Variants in MYO7B observed in about 807,000 individuals in gnomAD.
MYO7B encodes unconventional myosin-VIIb.
Under a neutral mutation model 259.7 loss-of-function variants are expected in MYO7B, and 212 were observed. The ratio of observed to expected loss-of-function variants is 0.82; its 90% confidence interval spans 0.73 to 0.91. The LOEUF is 0.91. Among genes scored for constraint, MYO7B ranks in the 40% least tolerant of loss-of-function variants. The pLI, the probability that MYO7B is intolerant of heterozygous loss-of-function variation, is 0.00. For missense variants in MYO7B, 2,732 were observed against 2,813.5 expected (o/e 0.97, Z 0.66); for synonymous variants, 1,197 against 1,166.4 (o/e 1.03, Z -0.54).
At chr2:127,589,452 G>A (rs1679456809) in intron 15 of MYO7B, among the ~76,000 whole-genome samples, 1 of 151,208 alleles carries the variant, frequency 6.6e-6, no homozygotes. Flanking sequence ...GGGGTCCAGA[G>A]TTTAGATAGG....
In MYO7B at chr2:127,592,780, G is replaced by T. The variant is rs1679609782; in HGVS notation, c.1993-14G>T. The T allele has an allele frequency of 5.0e-6, 8 of 1,604,348 alleles. No homozygotes were observed. The highest frequency in any genetic ancestry group is 6.0e-6 in the Non-Finnish European group (7 of 1,176,220). ...GGGGCTTGCGCTGGGTCAGCGCCCG[G>T]TGTCCGCCCACAGCTGTTCGACCGG... On this transcript the variant is annotated splice_polypyrimidine_tract_variant and intron_variant, in intron 16 of 47. Transcript: ENST00000409816.
chr2:127,596,808 C>T (rs761320691), intron 19 of MYO7B, among the ~76,000 whole-genome samples: 1 of 152,246 alleles, frequency 6.6e-6, no homozygotes, highest in Non-Finnish European at 1.5e-5. Context: ...GAAGGGGCAG[C>T]CCCGCTCTCA....
chr2:127,544,111 C>T (rs1693121917), intron 1 of MYO7B, among the ~76,000 whole-genome samples: 1 of 151,596 alleles, frequency 6.6e-6, no homozygotes, highest in African/African-American at 2.4e-5. Flanking sequence ...GAGTCTTGCT[C>T]TGTCACCCAG....
At chr2:127,600,155 T>G (rs970581548) in intron 19 of MYO7B, among the ~76,000 whole-genome samples, 2 of 152,236 alleles carry the variant, frequency 1.3e-5, no homozygotes, top group African/African-American at 2.4e-5. Flanking sequence ...AGTTTTTAAT[T>G]ATAAATTCAA....
Position 127,633,297 on chromosome 2 carries a change from G to A in MYO7B, c.5445G>A (p.Val1815=). 1 of 1,612,640 alleles carries A rather than the reference G, an allele frequency of 6.2e-7. No homozygotes were observed. Among genetic ancestry groups the A allele is most frequent in the Non-Finnish European group, 8.5e-7 (1 of 1,179,760 alleles). ...AGCAGCCCCCGCACCAGGTGGAGGT[G>A]GAGGCCGCAGAGCAGAACGTCTCCC... ...PRKQPPHQVE[V]EAAEQNVSRI... is the part of the protein sequence containing the mutation. Residue 1815 remains valine, a synonymous_variant, in exon 40 of 48, where the codon GTG becomes GTA. Coordinates refer to ENST00000409816, the MANE Select transcript of MYO7B (RefSeq NM_001393586.1).
intron 19 of MYO7B, among the ~76,000 whole-genome samples, chr2:127,596,958 C>T (rs1679795502): frequency 6.6e-6 from 1 of 152,232 alleles, no homozygotes; most frequent in Non-Finnish European, 1.5e-5. Flanking sequence ...AGTTGTAATC[C>T]AGGATCAGTG....
chr2:127,562,166 T>C (rs992720564), intron 2 of MYO7B, among the ~76,000 whole-genome samples: 2 of 152,178 alleles, frequency 1.3e-5, no homozygotes, highest in Non-Finnish European at 2.9e-5. Context: ...TCTGCAAATA[T>C]GGTCATGTCA....
chr2:127,587,173 C>T (rs993840260), intron 14 of MYO7B, among the ~76,000 whole-genome samples: 1 of 152,156 alleles, frequency 6.6e-6, no homozygotes, highest in Non-Finnish European at 1.5e-5. Context: ...CCTTAGAGAC[C>T]AAGCAGTGCA....
chr2:127,593,608 A>C lies in MYO7B; in HGVS notation c.2208A>C (p.Lys736Asn), dbSNP rs115592021. 8.2e-4 allele frequency: 1,316 copies of C among 1,613,704 alleles called. 12 individuals are homozygous for C. The African/African-American group carries it at 0.016, about 20-fold the overall frequency. Residue 736 changes from lysine to asparagine, a missense_variant, in exon 18 of 48, where the codon AAA becomes AAC. By Grantham distance (94) the Lys-to-Asn change is moderately conservative. Around this residue, in one of 3 missense-constraint regions of MYO7B, gnomAD observed 1,906 missense variants for 2,026.4 expected, o/e 0.94. Coordinates refer to ENST00000409816, the MANE Select transcript of MYO7B (RefSeq NM_001393586.1). Reference sequence around the variant, plus strand: ...CTGACGTGTGGCTGCGGACAGACAAAGACTGGAAAGCGGGGAAGACAAAAA... The same window carrying C: ...CTGACGTGTGGCTGCGGACAGACAACGACTGGAAAGCGGGGAAGACAAAAA... Reference protein sequence around the residue: ...GITDVWLRTDKDWKAGKTKIF... With the variant: ...GITDVWLRTDNDWKAGKTKIF...
At chr2:127,541,535 T>C (rs1443101384) in intron 1 of MYO7B, among the ~76,000 whole-genome samples, 1 of 152,210 alleles carries the variant, frequency 6.6e-6, no homozygotes, top group African/African-American at 2.4e-5. Context: ...AAGGAAACAG[T>C]TGAACCAGGT....
At chr2:127,582,633 A>C (rs1361658617) in intron 12 of MYO7B, among the ~76,000 whole-genome samples, 187 bp downstream of exon 12, 3 of 152,068 alleles carry the variant, frequency 2.0e-5, no homozygotes, top group African/African-American at 7.2e-5. Flanking sequence ...GCACAACTAA[A>C]AGCTGTCCCT....
intron 19 of MYO7B, among the ~76,000 whole-genome samples, chr2:127,605,544 C>T (rs1198208414): frequency 2.0e-5 from 3 of 151,990 alleles, no homozygotes; most frequent in Admixed American, 6.5e-5. Context: ...TACAGTGAGC[C>T]GAGATCCGTG....
In MYO7B at chr2:127,629,745, C is replaced by T; in HGVS notation, c.4725C>T (p.Asp1575=). 2 of 1,612,096 alleles carry T rather than the reference C, an allele frequency of 1.2e-6. No individual in the cohort carries two copies. The highest frequency in any genetic ancestry group is 1.7e-6 in the Non-Finnish European group (2 of 1,179,346). The change falls in exon 35 of 48, where the codon GAC becomes GAT. Residue 1575 remains aspartate (D), a synonymous_variant. Transcript: ENST00000409816. ...ASENWTLGQN[D]RTGKTGLVPM... is the part of the protein sequence containing the mutation. ...AGAACTGGACCCTCGGCCAGAACGA[C>T]AGGACAGGCAAGACGGGGCTGGTGC...
At chr2:127,560,614 G>A (rs1035276424) in intron 2 of MYO7B, among the ~76,000 whole-genome samples, 4 of 152,110 alleles carry the variant, frequency 2.6e-5, no homozygotes, top group Admixed American at 6.5e-5. Flanking sequence ...GCCTGGCGGC[G>A]GGGAGTGCAG....
intron 19 of MYO7B, among the ~76,000 whole-genome samples, chr2:127,603,200 T>C (rs1680030269): frequency 6.6e-6 from 1 of 152,226 alleles, no homozygotes; most frequent in Admixed American, 6.5e-5. Flanking sequence ...CCTGTTAATG[T>C]TGATATTTTG....
In MYO7B at chr2:127,612,244, C is replaced by T. The variant is rs1484515083; in HGVS notation, c.3193-6C>T. 1.6e-6 allele frequency: 1 copy of T among 638,430 alleles called. No homozygotes were observed. Among genetic ancestry groups the T allele is most frequent in the Non-Finnish European group, 2.9e-6 (1 of 349,962 alleles). The allele number at this position is 638,430 out of a possible 1,614,324, so 39.5% of individuals were successfully genotyped here. A position where few individuals can be genotyped will look rare whatever the true frequency, so the allele number is the denominator to read the frequency against. ...ACCTTCCTGCGGGAACTGTCTCCCTCCACAGAGATCTGGCTGCAAGGACAA... is the reference window on the plus strand; with the variant it reads ...ACCTTCCTGCGGGAACTGTCTCCCTTCACAGAGATCTGGCTGCAAGGACAA... On this transcript the variant is annotated splice_region_variant and splice_polypyrimidine_tract_variant and intron_variant, in intron 24 of 47. Coordinates refer to ENST00000409816, the MANE Select transcript of MYO7B (RefSeq NM_001393586.1).
chr2:127,635,096 T>G, intron 42 of MYO7B, 24 bp from the exon 43 acceptor site: 3 of 1,584,342 alleles, frequency 1.9e-6, no homozygotes, highest in East Asian at 2.3e-5. Flanking sequence ...ACAGGCTTGG[T>G]GCCCACTGCT....
Position 127,609,270 on chromosome 2 carries a change from C to T in MYO7B, c.2815-236C>T, listed in dbSNP as rs1435297723. ...AGGACACAGTGTCTGAGCGTGGGGCCAGGAGGGGAGAGGGCAGGAGCCCTG... is the reference window on the plus strand; with the variant it reads ...AGGACACAGTGTCTGAGCGTGGGGCTAGGAGGGGAGAGGGCAGGAGCCCTG... On this transcript the variant is annotated intron_variant, in intron 22 of 47. Coordinates refer to ENST00000409816, the MANE Select transcript of MYO7B (RefSeq NM_001393586.1). The surrounding 1 kb of genome is among the most constrained non-coding windows in gnomAD (Gnocchi z 6.9). Among the ~76,000 whole-genome samples the T allele has an allele frequency of 2.6e-5, 4 of 152,110 alleles. No individual in the cohort carries two copies. Among genetic ancestry groups the T allele is most frequent in the Non-Finnish European group, 5.9e-5 (4 of 67,996 alleles).
At chr2:127,579,005 A>T (rs570040640) in intron 9 of MYO7B, among the ~76,000 whole-genome samples, 15 of 147,772 alleles carry the variant, frequency 1.0e-4, no homozygotes, top group East Asian at 9.7e-4. Context: ...TTCTAAAATT[A>T]AAAAAAAAAA....
Sources: gnomAD v4.1 joint callset for allele counts (sites outside exome capture counted in the v4.1 genomes callset) on GRCh38, gnomAD v4.1.1 for gene constraint, gnomAD v4.1.1 regional missense constraint, Gnocchi (gnomAD v3.1) non-coding constraint, MANE v1.5 for transcripts, NCBI Gene and HGNC (gene_info 2026-07-23, HGNC 2026-07-21) for gene names.